Variants in CSMD1 observed in about 807,000 individuals in gnomAD.
CSMD1 encodes the protein CUB and Sushi multiple domains 1.
A neutral mutation model predicts 417.5 loss-of-function variants in CSMD1; 213 were observed. The ratio of observed to expected loss-of-function variants is 0.51; its 90% CI spans 0.46 to 0.57. The LOEUF (loss-of-function observed/expected upper bound fraction) is 0.57. Among genes scored for constraint, CSMD1 ranks in the 20% least tolerant of loss-of-function variants. The probability of loss-of-function intolerance (pLI) is 0.00; values close to 1 mark genes in which losing one functional copy is unlikely to be tolerated. For missense variants in CSMD1, 6,923 were observed against 4,529.7 expected, an observed-to-expected ratio of 1.53 and a Z score of -15.17; for synonymous variants, 2,862 against 1,736.8, an observed-to-expected ratio of 1.65 and a Z score of -16.11.
At chr8:4,019,937 T>C (rs1405249290) in intron 4 of CSMD1, among the ~76,000 whole-genome samples, 1 of 151,950 alleles carries the variant, frequency 6.6e-6, no homozygotes, top group Non-Finnish European at 1.5e-5. Flanking sequence ...AAAAACCCTT[T>C]TTTTTAAGAG....
chr8:3,692,403 C>G (rs968648258), intron 7 of CSMD1, among the ~76,000 whole-genome samples: 2 of 152,050 alleles, frequency 1.3e-5, no homozygotes, highest in Admixed American at 1.3e-4. Context: ...TCTAACGTGC[C>G]TCCTTCGACC....
chr8:4,086,471 G>A lies in CSMD1; in HGVS notation c.416-54372C>T, dbSNP rs78450710. ...TTACTACACTCTAATTCATTAATTC[G>A]TTCTGACTGTACATTCATGGAATTC... On this transcript the variant is annotated intron_variant, in intron 3 of 69. Coordinates refer to ENST00000635120, the MANE Select transcript of CSMD1 (RefSeq NM_033225.6). 2.2e-3 allele frequency among the ~76,000 whole-genome samples: 330 copies of A among 152,044 alleles called. 1 individual carries two copies. Among genetic ancestry groups the A allele is most frequent in the African/African-American group, 7.6e-3 (316 of 41,448 alleles).
At chr8:4,047,039 C>G (rs1488956509) in intron 3 of CSMD1, among the ~76,000 whole-genome samples, 1 of 152,130 alleles carries the variant, frequency 6.6e-6, no homozygotes, top group East Asian at 1.9e-4. Flanking sequence ...AGAGGGAACA[C>G]CTGGAGTCCA....
chr8:4,780,102 T>C (rs951134831), intron 1 of CSMD1, among the ~76,000 whole-genome samples: 1 of 152,228 alleles, frequency 6.6e-6, no homozygotes, highest in Non-Finnish European at 1.5e-5. Context: ...CACCCGCGTT[T>C]TGTATTTTAG....
intron 2 of CSMD1, among the ~76,000 whole-genome samples, chr8:4,447,170 C>A (rs970524614): frequency 6.6e-6 from 1 of 152,088 alleles, no homozygotes; most frequent in African/African-American, 2.4e-5. Context: ...AATTATTGAT[C>A]CCATGTTATT....
chr8:4,199,344 C>G (rs1338444083), intron 3 of CSMD1, among the ~76,000 whole-genome samples: 2 of 152,112 alleles, frequency 1.3e-5, no homozygotes, highest in Non-Finnish European at 2.9e-5. Context: ...TGAAGTCTAC[C>G]TCTAAAGCAC....
intron 23 of CSMD1, among the ~76,000 whole-genome samples, chr8:3,328,111 T>G (rs980613823): frequency 6.6e-6 from 1 of 152,340 alleles, no homozygotes; most frequent in Non-Finnish European, 1.5e-5. Flanking sequence ...CTGGTTTGTT[T>G]CTGCTATTGT....
chr8:4,045,934 A>G (rs1185003749), intron 3 of CSMD1, among the ~76,000 whole-genome samples: 3 of 152,100 alleles, frequency 2.0e-5, no homozygotes, highest in Non-Finnish European at 4.4e-5. Context: ...TTCTGGAAAA[A>G]TACATCTAAG....
chr8:3,207,224 G>A (rs565645171), intron 30 of CSMD1, among the ~76,000 whole-genome samples: 17 of 136,758 alleles, frequency 1.2e-4, no homozygotes, highest in African/African-American at 3.9e-4. Flanking sequence ...TCAGCTCACT[G>A]CAACCTCCGC....
intron 3 of CSMD1, among the ~76,000 whole-genome samples, chr8:4,357,519 C>A (rs1445868759): frequency 6.6e-6 from 1 of 152,102 alleles, no homozygotes; most frequent in African/African-American, 2.4e-5. Flanking sequence ...TCTGCACTAC[C>A]ATCTCTAAGT....
intron 6 of CSMD1, among the ~76,000 whole-genome samples, chr8:3,743,867 C>T (rs866965735): frequency 6.6e-6 from 1 of 152,134 alleles, no homozygotes; most frequent in Admixed American, 6.6e-5. Flanking sequence ...TCTATGTTAT[C>T]GTATGTAAAA....
At chr8:4,063,175 G>A (rs771470138) in intron 3 of CSMD1, among the ~76,000 whole-genome samples, 1 of 152,102 alleles carries the variant, frequency 6.6e-6, no homozygotes. Context: ...AATGTTGACA[G>A]TAATGGATAT....
intron 3 of CSMD1, among the ~76,000 whole-genome samples, chr8:4,070,044 T>C (rs1224010196): frequency 1.3e-5 from 2 of 152,186 alleles, no homozygotes; most frequent in Non-Finnish European, 2.9e-5. Flanking sequence ...TTATTGGTGT[T>C]TTAACTATAC....
At chr8:3,432,121 C>G (rs1413737316) in intron 12 of CSMD1, among the ~76,000 whole-genome samples, 3 of 152,138 alleles carry the variant, frequency 2.0e-5, no homozygotes, top group East Asian at 3.9e-4. Context: ...CAACCAACAA[C>G]TTACCAGAAA....
At chr8:4,418,646 A>T (rs1346732831) in intron 3 of CSMD1, among the ~76,000 whole-genome samples, 1 of 152,080 alleles carries the variant, frequency 6.6e-6, no homozygotes, top group Non-Finnish European at 1.5e-5. Context: ...ATGCTTTTGT[A>T]ATATTCTGCA....
At chr8:4,746,722 T>A (rs1810978581) in intron 1 of CSMD1, among the ~76,000 whole-genome samples, 1 of 152,096 alleles carries the variant, frequency 6.6e-6, no homozygotes, top group African/African-American at 2.4e-5. Context: ...TAATCCACAA[T>A]CCACCTCGGT....
intron 7 of CSMD1, among the ~76,000 whole-genome samples, chr8:3,627,524 T>A (rs535283827): frequency 6.6e-6 from 1 of 152,316 alleles, no homozygotes; most frequent in East Asian, 1.9e-4. Context: ...GAGACTACTT[T>A]TAGTATGTTC....
At chr8:4,298,259 T>C (rs1797793078) in intron 3 of CSMD1, among the ~76,000 whole-genome samples, 1 of 152,218 alleles carries the variant, frequency 6.6e-6, no homozygotes, top group South Asian at 2.1e-4. Context: ...TAAAAACACA[T>C]ACATTAAAAG....
At chr8:3,509,503 C>A (rs1315706409) in intron 10 of CSMD1, among the ~76,000 whole-genome samples, 1 of 152,176 alleles carries the variant, frequency 6.6e-6, no homozygotes, top group East Asian at 1.9e-4. Flanking sequence ...GCTTCCTCAT[C>A]TTTAAAATGA....
Sources: gnomAD v4.1 joint callset for allele counts (sites outside exome capture counted in the v4.1 genomes callset) on GRCh38, gnomAD v4.1.1 for gene constraint, MANE v1.5 for transcripts, NCBI Gene and HGNC (gene_info 2026-07-23, HGNC 2026-07-21) for gene names.